The following ETV6 variants were observed in gnomAD, a reference collection of about 807,000 sequenced individuals.
ETV6 encodes ETS variant transcription factor 6, also known as transcription factor ETV6.
A neutral mutation model predicts 51.1 loss-of-function variants in ETV6; 16 were observed. The ratio of observed to expected loss-of-function variants is 0.31; its 90% CI spans 0.21 to 0.48. The LOEUF is 0.48. ETV6 is among the 20% of genes least tolerant of loss of function. The probability of loss-of-function intolerance (pLI) is 0.99; values close to 1 mark genes in which losing one functional copy is unlikely to be tolerated. For missense variants in ETV6, 458 were observed against 594.8 expected (o/e 0.77, Z 2.39); for synonymous variants, 240 against 224.1 (o/e 1.07, Z -0.64).
At chr12:11,877,227 C>T (rs1431112193) in intron 5 of ETV6, among the ~76,000 whole-genome samples, 1 of 152,052 alleles carries the variant, frequency 6.6e-6, no homozygotes, top group African/African-American at 2.4e-5. Context: ...TGTATTCTGG[C>T]ATCTTGCTTC....
At chr12:11,799,645 C>A (rs1388746819) in intron 2 of ETV6, among the ~76,000 whole-genome samples, 4 of 152,242 alleles carry the variant, frequency 2.6e-5, no homozygotes, top group African/African-American at 9.6e-5. Context: ...ACCATGCATT[C>A]TTGTGCTGCA....
At chr12:11,851,923 G>C (rs542926546) in intron 3 of ETV6, among the ~76,000 whole-genome samples, 1 of 152,250 alleles carries the variant, frequency 6.6e-6, no homozygotes, top group South Asian at 2.1e-4. Flanking sequence ...GAGCTTGAAA[G>C]AAAAAATAAT....
At chr12:11,859,159 T>G (rs919916157) in intron 4 of ETV6, among the ~76,000 whole-genome samples, 2 of 84,990 alleles carry the variant, frequency 2.4e-5, no homozygotes, top group African/African-American at 8.9e-5. Flanking sequence ...TTTTTTTTTT[T>G]GAGAAGGAGT....
At chr12:11,792,218 G>T (rs1177958963) in intron 2 of ETV6, among the ~76,000 whole-genome samples, 1 of 152,152 alleles carries the variant, frequency 6.6e-6, no homozygotes, top group Non-Finnish European at 1.5e-5. Context: ...TTGCCCCTTT[G>T]TTTCAGTCAG....
chr12:11,738,307 CTTTT>C (rs59241338), intron 1 of ETV6, among the ~76,000 whole-genome samples: 3 of 114,028 alleles, frequency 2.6e-5, no homozygotes, highest in African/African-American at 7.8e-5. Context: ...TTTGTTTTTG[CTTTT>C]TTTTTTTTTT....
chr12:11,837,791 CA>C (rs1415304844), intron 2 of ETV6, among the ~76,000 whole-genome samples: 13 of 152,266 alleles, frequency 8.5e-5, no homozygotes, highest in African/African-American at 3.1e-4. Context: ...AATGAAGATC[CA>C]TTGAACATCC....
chr12:11,799,765 G>GTTTTATT (rs758834015), intron 2 of ETV6, among the ~76,000 whole-genome samples: 1 of 152,056 alleles, frequency 6.6e-6, no homozygotes, highest in Non-Finnish European at 1.5e-5. Context: ...GCGTGTGTGT[G>GTTTTATT]TTTTATTTTT....
chr12:11,799,313 C>A (rs1203059102), intron 2 of ETV6, among the ~76,000 whole-genome samples: 1 of 152,184 alleles, frequency 6.6e-6, no homozygotes, highest in African/African-American at 2.4e-5. Flanking sequence ...CTTCCCGGTG[C>A]TTTCCTAGGG....
intron 1 of ETV6, among the ~76,000 whole-genome samples, chr12:11,723,819 A>G (rs1477130372): frequency 6.6e-6 from 1 of 152,096 alleles, no homozygotes; most frequent in African/African-American, 2.4e-5. Flanking sequence ...CTTTTATTTC[A>G]CTAGCTTCTA....
chr12:11,688,415 C>G (rs1054855739), intron 1 of ETV6, among the ~76,000 whole-genome samples: 2 of 152,206 alleles, frequency 1.3e-5, no homozygotes, highest in African/African-American at 2.4e-5. Context: ...CTGATGCTTT[C>G]TGCTTCAGTC....
chr12:11,872,494 CTTTTTTT>C (rs10528272), intron 5 of ETV6, among the ~76,000 whole-genome samples: 2 of 142,652 alleles, frequency 1.4e-5, no homozygotes, highest in Admixed American at 7.0e-5. Context: ...AATTATATTA[CTTTTTTT>C]TTTTTTTTTT....
chr12:11,712,891 C>T (rs903480742), intron 1 of ETV6, among the ~76,000 whole-genome samples: 1 of 152,160 alleles, frequency 6.6e-6, no homozygotes, highest in Non-Finnish European at 1.5e-5. Context: ...GAGCTGCAGG[C>T]GTGCACGGAG....
chr12:11,888,436 C>T (rs1192219528), intron 7 of ETV6, among the ~76,000 whole-genome samples: 1 of 142,086 alleles, frequency 7.0e-6, no homozygotes, highest in African/African-American at 2.6e-5. Flanking sequence ...TGTTCTGTCA[C>T]CCAGGCTACA....
At position 11,720,488 on chromosome 12, in the gene ETV6, C is replaced by T. The variant is rs111320432; in HGVS notation, c.34-31962C>T. ...AAACAAGCAATGGGGTAAAGGACTC[C>T]TTATTCATAAATGGTGCTGGGATAG... On this transcript the variant is annotated intron_variant, in intron 1 of 7. Coordinates refer to ENST00000396373, the MANE Select transcript of ETV6 (RefSeq NM_001987.5). 7.5e-4 allele frequency among the ~76,000 whole-genome samples: 114 copies of T among 152,248 alleles called. 1 individual carries two copies. The highest frequency in any genetic ancestry group is 2.7e-3 in the African/African-American group (112 of 41,544).
In ETV6 at chr12:11,893,343, T is replaced by A. The variant is rs1284756560; in HGVS notation, c.*2297T>A. ...TCTTCACCCAAGTGCAAGAACTCAG[T>A]CTCTTACTGTTCAAAGAATCTTAAC... is the stretch of plus-strand genomic sequence containing the variant. On this transcript the variant is annotated 3_prime_UTR_variant, in exon 8 of 8. Coordinates refer to ENST00000396373, the MANE Select transcript of ETV6 (RefSeq NM_001987.5). 1 of 208,718 alleles carries A rather than the reference T, an allele frequency of 4.8e-6. No homozygotes were observed. Among genetic ancestry groups the A allele is most frequent in the East Asian group, 6.4e-5 (1 of 15,516 alleles). 12.9% of individuals were successfully genotyped at this position (208,718 alleles called of 1,614,324 possible).
chr12:11,740,182 G>A (rs188083410), intron 1 of ETV6, among the ~76,000 whole-genome samples: 3 of 152,242 alleles, frequency 2.0e-5, no homozygotes, highest in East Asian at 1.9e-4. Flanking sequence ...AGAAATCTCC[G>A]TAATCGTCAG....
At chr12:11,805,684 C>A (rs1199700800) in intron 2 of ETV6, among the ~76,000 whole-genome samples, 1 of 152,158 alleles carries the variant, frequency 6.6e-6, no homozygotes, top group East Asian at 1.9e-4. Flanking sequence ...ATGGAAAGCC[C>A]AGCCCAACTG....
At chr12:11,698,551 C>A (rs1056891340) in intron 1 of ETV6, among the ~76,000 whole-genome samples, 1 of 152,180 alleles carries the variant, frequency 6.6e-6, no homozygotes, top group Non-Finnish European at 1.5e-5. Flanking sequence ...CTGTTCCATA[C>A]TATGTGGGCC....
intron 5 of ETV6, among the ~76,000 whole-genome samples, chr12:11,882,600 A>AT (rs1206890848): frequency 6.6e-6 from 1 of 152,198 alleles, no homozygotes; most frequent in Non-Finnish European, 1.5e-5. Flanking sequence ...GTACCTACAA[A>AT]TAGCACCCAC....
Sources: allele counts gnomAD v4.1 joint callset (sites outside exome capture counted in the v4.1 genomes callset), GRCh38; gene constraint gnomAD v4.1.1; transcripts MANE v1.5; gene names NCBI Gene and HGNC (gene_info 2026-07-23, HGNC 2026-07-21).